MTHFD2L: variants seen among roughly 807,000 people sequenced by gnomAD.
The protein encoded by MTHFD2L is methylenetetrahydrofolate dehydrogenase (NADP+ dependent) 2 like, also known as bifunctional methylenetetrahydrofolate dehydrogenase/cyclohydrolase 2, mitochondrial.
A neutral mutation model predicts 34.9 loss-of-function variants in MTHFD2L; 29 were observed. The observed-to-expected ratio is 0.83, with a 90% CI of 0.62 to 1.13. The LOEUF (loss-of-function observed/expected upper bound fraction) is 1.13. Among genes scored for constraint, MTHFD2L ranks in the 50% most tolerant of loss-of-function variants. MTHFD2L has a pLI of 0.00. For missense variants in MTHFD2L, 481 were observed against 446.5 expected, an observed-to-expected ratio of 1.08 and a Z score of -0.70; for synonymous variants, 167 against 155.7, an observed-to-expected ratio of 1.07 and a Z score of -0.54.
chr4:74,213,081 T>G (rs533493030), intron 5 of MTHFD2L, among the ~76,000 whole-genome samples: 1 of 152,154 alleles, frequency 6.6e-6, no homozygotes, highest in African/African-American at 2.4e-5. Context: ...ATTTTGAGTC[T>G]ATGTGTGTCT....
chr4:74,267,837 T>C (rs1745505642), intron 6 of MTHFD2L: 1 of 985,236 alleles, frequency 1.0e-6, no homozygotes, highest in Non-Finnish European at 1.2e-6. Context: ...ACTACTTGAA[T>C]GATCCTATGA....
intron 6 of MTHFD2L, among the ~76,000 whole-genome samples, chr4:74,252,145 C>T (rs1474267764): frequency 2.0e-5 from 3 of 152,220 alleles, no homozygotes; most frequent in African/African-American, 7.2e-5. Context: ...AATAGCAGCA[C>T]CTTCTGCCAT....
upstream of MTHFD2L, among the ~76,000 whole-genome samples, chr4:74,120,151 G>A (rs1560397289): frequency 6.6e-6 from 1 of 152,160 alleles, no homozygotes; most frequent in African/African-American, 2.4e-5. Context: ...GCTGCTAAGG[G>A]TATATGTCAT....
intron 5 of MTHFD2L, among the ~76,000 whole-genome samples, chr4:74,203,624 G>T (rs985722694): frequency 6.6e-6 from 1 of 152,082 alleles, no homozygotes; most frequent in Non-Finnish European, 1.5e-5. Context: ...AGAAGAGATG[G>T]GGGAGGTGCC....
intron 1 of MTHFD2L, among the ~76,000 whole-genome samples, chr4:74,146,394 C>T (rs1370547476): frequency 1.3e-5 from 2 of 151,966 alleles, no homozygotes; most frequent in East Asian, 3.9e-4. Flanking sequence ...ACCATCATAT[C>T]CCTTTTAAGA....
intron 3 of MTHFD2L, among the ~76,000 whole-genome samples, chr4:74,176,131 C>CT (rs892876403): frequency 1.9e-4 from 29 of 152,014 alleles, no homozygotes; most frequent in African/African-American, 6.3e-4. Context: ...ATGTTGTTGT[C>CT]TTTTTTATTA....
chr4:74,202,710 G>A (rs1734655397), intron 5 of MTHFD2L, among the ~76,000 whole-genome samples: 1 of 152,132 alleles, frequency 6.6e-6, no homozygotes, highest in South Asian at 2.1e-4. Context: ...GTTGTACTTT[G>A]TTTACCATTT....
chr4:74,268,709 AT>A (rs1250464112), intron 6 of MTHFD2L, among the ~76,000 whole-genome samples: 14 of 152,034 alleles, frequency 9.2e-5, no homozygotes, highest in Non-Finnish European at 1.9e-4. Context: ...GAAGTGATTA[AT>A]TTTTTTTAAT....
In MTHFD2L at chr4:74,246,256, T is replaced by G. The variant is rs1215965053; in HGVS notation, c.805+20862T>G. Among the ~76,000 whole-genome samples, 115 of 152,094 alleles carry G rather than the reference T, an allele frequency of 7.6e-4. 2 individuals carry two copies. Among genetic ancestry groups the G allele is most frequent in the Non-Finnish European group, 1.6e-3 (110 of 67,982 alleles). Reference sequence around the variant, plus strand: ...ATGATGAGCATTTTTTCGTGTGTCTTTTGGCTGCATAAATGTCTTCTTTTG... The same window carrying G: ...ATGATGAGCATTTTTTCGTGTGTCTGTTGGCTGCATAAATGTCTTCTTTTG... On this transcript the variant is annotated intron_variant, in intron 6 of 7. Transcript: ENST00000325278.
upstream of MTHFD2L, among the ~76,000 whole-genome samples, chr4:74,154,239 T>G (rs756658421): frequency 6.6e-6 from 1 of 152,140 alleles, no homozygotes; most frequent in Non-Finnish European, 1.5e-5. Context: ...GTATGATATA[T>G]TGGTGTTGAT....
At chr4:74,137,050 T>A (rs1200339275) in intron 1 of MTHFD2L, among the ~76,000 whole-genome samples, 1 of 152,134 alleles carries the variant, frequency 6.6e-6, no homozygotes, top group East Asian at 1.9e-4. Context: ...TTCAGGACAA[T>A]GATCTGGACA....
intron 3 of MTHFD2L, among the ~76,000 whole-genome samples, chr4:74,191,544 TTTTA>T (rs1732515535): frequency 6.6e-6 from 1 of 151,868 alleles, no homozygotes; most frequent in Non-Finnish European, 1.5e-5. Context: ...ATATTTTTAT[TTTTA>T]TTTATTTATT....
intron 6 of MTHFD2L, among the ~76,000 whole-genome samples, chr4:74,270,744 A>C (rs1745871806): frequency 6.6e-6 from 1 of 152,246 alleles, no homozygotes; most frequent in African/African-American, 2.4e-5. Flanking sequence ...AGGAATAGCC[A>C]CACTGTCTTC....
At chr4:74,150,159 AGCC>A (rs1560414550) in intron 1 of MTHFD2L, among the ~76,000 whole-genome samples, 1 of 152,212 alleles carries the variant, frequency 6.6e-6, no homozygotes, top group Non-Finnish European at 1.5e-5. Flanking sequence ...TTCTCCTTAG[AGCC>A]TCCAGAAGGA....
At chr4:74,152,762 A>G (rs1724021831) in intron 1 of MTHFD2L, among the ~76,000 whole-genome samples, 1 of 152,172 alleles carries the variant, frequency 6.6e-6, no homozygotes, top group Non-Finnish European at 1.5e-5. Flanking sequence ...CTTATGCATG[A>G]GAACATGCAG....
chr4:74,173,642 T>C (rs1443800403), intron 1 of MTHFD2L, among the ~76,000 whole-genome samples: 2 of 152,182 alleles, frequency 1.3e-5, no homozygotes, highest in Non-Finnish European at 2.9e-5. Flanking sequence ...CGCCTTAGGG[T>C]CACAAGATTG....
chr4:74,281,535 G>A lies in MTHFD2L; in HGVS notation c.916G>A (p.Asp306Asn). Residue 306 changes from aspartate (D) to asparagine (N), a missense_variant, in exon 7 of 8, where the codon GAT becomes AAT. Physicochemically the swap from Asp to Asn is conservative, Grantham distance 23. Transcript: ENST00000325278. ...PVTGKTKLVG[D>N]VDFEAVKKKA... ...GACAGGAAAGACAAAATTAGTTGGA[G>A]ATGTGGACTTCGAAGGTAATAAACC... 1 of 1,612,148 alleles carries A rather than the reference G, an allele frequency of 6.2e-7. No homozygotes were observed. The highest frequency in any genetic ancestry group is 8.5e-7 in the Non-Finnish European group (1 of 1,178,952).
chr4:74,234,114 A>G (rs552229638), intron 6 of MTHFD2L, among the ~76,000 whole-genome samples: 10 of 152,018 alleles, frequency 6.6e-5, no homozygotes, highest in Non-Finnish European at 7.4e-5. Flanking sequence ...ACTTAATTCT[A>G]TTTGGGTCCA....
chr4:74,117,433 C>A (rs139507917), intron 2 of MTHFD2L, among the ~76,000 whole-genome samples: 49 of 152,212 alleles, frequency 3.2e-4, no homozygotes, highest in African/African-American at 1.2e-3. Context: ...CTGCAGGGTA[C>A]AGAAATGTTC....
Sources: gnomAD v4.1 joint callset for allele counts (sites outside exome capture counted in the v4.1 genomes callset) on GRCh38, gnomAD v4.1.1 for gene constraint, MANE v1.5 for transcripts, NCBI Gene and HGNC (gene_info 2026-07-23, HGNC 2026-07-21) for gene names.